The following TOP2B variants were observed in gnomAD, a reference collection of about 807,000 sequenced individuals.
TOP2B encodes DNA topoisomerase 2-beta.
A neutral mutation model predicts 193.5 loss-of-function variants in TOP2B; 51 were observed. The observed-to-expected ratio is 0.26, with a 90% CI of 0.21 to 0.33. The LOEUF (loss-of-function observed/expected upper bound fraction) is 0.33. TOP2B is among the 10% of genes least tolerant of loss of function. The pLI, the probability that TOP2B is intolerant of heterozygous loss-of-function variation, is 1.00. For missense variants in TOP2B, 1,378 were observed against 1,909.3 expected, an observed-to-expected ratio of 0.72 and a Z score of 5.19; for synonymous variants, 634 against 635.7, an observed-to-expected ratio of 1.00 and a Z score of 0.04.
chr3:25,614,903 C>A (rs1702465038), intron 27 of TOP2B, among the ~76,000 whole-genome samples: 1 of 151,910 alleles, frequency 6.6e-6, no homozygotes, highest in Non-Finnish European at 1.5e-5. Context: ...CACATATTAG[C>A]CTTACCTCTT....
chr3:25,598,241 T>TGAGA lies in TOP2B; in HGVS notation c.*62_*65dup. 1 of 1,492,834 alleles carries TGAGA rather than the reference T, an allele frequency of 6.7e-7. No homozygotes were observed. Among genetic ancestry groups the TGAGA allele is most frequent in the Non-Finnish European group, 9.0e-7 (1 of 1,105,448 alleles). 92.5% of individuals were successfully genotyped at this position (1,492,834 alleles called of 1,614,324 possible). ...AAAATAAGCCAGATGTACAAAAGTC[T>TGAGA]GAGACAGAGAAGACAAAAGGACAAC... On this transcript the variant is annotated 3_prime_UTR_variant, in exon 36 of 36. Coordinates refer to ENST00000264331, the MANE Select transcript of TOP2B (RefSeq NM_001330700.2).
intron 21 of TOP2B, among the ~76,000 whole-genome samples, chr3:25,621,896 G>C (rs1427144988): frequency 6.6e-6 from 1 of 151,774 alleles, no homozygotes; most frequent in African/African-American, 2.4e-5. Flanking sequence ...GGCTGAGACA[G>C]CAGAATCACT....
intron 25 of TOP2B, among the ~76,000 whole-genome samples, chr3:25,616,485 G>C (rs941227978): frequency 6.7e-6 from 1 of 150,126 alleles, no homozygotes; most frequent in Non-Finnish European, 1.5e-5. Flanking sequence ...TACAGTTTAC[G>C]TGTACTTCAG....
At chr3:25,635,749 A>C (rs1191202977) in intron 7 of TOP2B, among the ~76,000 whole-genome samples, 187 bp downstream of exon 7, 1 of 152,146 alleles carries the variant, frequency 6.6e-6, no homozygotes, top group African/African-American at 2.4e-5. Context: ...CAAGAAGGAA[A>C]GGAAAGAACA....
chr3:25,636,005 A>G lies in TOP2B; in HGVS notation c.783T>C (p.Thr261=), dbSNP rs1166544364. The G allele has an allele frequency of 3.1e-6, 5 of 1,613,462 alleles. No individual in the cohort carries two copies. In the South Asian group the frequency reaches 4.4e-5, roughly 14 times the overall value. Residue 261 remains threonine, a synonymous_variant, in exon 7 of 36, where the codon ACT becomes ACC. Transcript: ENST00000264331. Reference sequence around the variant, plus strand: ...AACCAGCCAAATCATATGCCCTTCTAGTCATGAGGGCCACAATATCCTTGT... The same window carrying G: ...AACCAGCCAAATCATATGCCCTTCTGGTCATGAGGGCCACAATATCCTTGT... ...KLDKDIVALM[T]RRAYDLAGSC...
At chr3:25,604,678 A>C in intron 33 of TOP2B, 82 bp downstream of exon 33, 1 of 1,174,974 alleles carries the variant, frequency 8.5e-7, no homozygotes, top group East Asian at 2.4e-5. Flanking sequence ...AAAAAATGCA[A>C]ATAGTTTCAA....
chr3:25,645,667 C>G (rs1703394853), intron 1 of TOP2B, among the ~76,000 whole-genome samples, 197 bp from the exon 2 acceptor site: 1 of 152,058 alleles, frequency 6.6e-6, no homozygotes, highest in Non-Finnish European at 1.5e-5. Flanking sequence ...TTGACTGAGC[C>G]CAAAACGTGG....
At chr3:25,633,221 C>A (rs1490362567) in intron 8 of TOP2B, among the ~76,000 whole-genome samples, 3 of 152,122 alleles carry the variant, frequency 2.0e-5, no homozygotes, top group Non-Finnish European at 4.4e-5. Flanking sequence ...TTCTAACGAA[C>A]CTATGACCCA....
chr3:25,650,714 T>C (rs1160168123), intron 1 of TOP2B, among the ~76,000 whole-genome samples: 1 of 152,238 alleles, frequency 6.6e-6, no homozygotes, highest in Non-Finnish European at 1.5e-5. Flanking sequence ...ATGAACATGA[T>C]TAATCTTTTC....
chr3:25,635,917 T>C lies in TOP2B; in HGVS notation c.852+19A>G, dbSNP rs746450380. Reference sequence around the variant, plus strand: ...CTATAAAATAACATAGTATTAAAACTATTTTACAGGACACTTACAGGCAAT... The same window carrying C: ...CTATAAAATAACATAGTATTAAAACCATTTTACAGGACACTTACAGGCAAT... On this transcript the variant is annotated intron_variant, in intron 7 of 35. Transcript: ENST00000264331. 1.3e-5 allele frequency: 21 copies of C among 1,603,596 alleles called. No individual in the cohort carries two copies. Among genetic ancestry groups the C allele is most frequent in the Non-Finnish European group, 1.7e-5 (20 of 1,172,564 alleles).
chr3:25,618,597 A>G, intron 24 of TOP2B, 57 bp downstream of exon 24: 1 of 1,519,742 alleles, frequency 6.6e-7, no homozygotes, highest in Non-Finnish European at 8.8e-7. Context: ...GTCTTCTATT[A>G]ATAAAGTTTT....
intron 1 of TOP2B, among the ~76,000 whole-genome samples, chr3:25,660,492 T>C (rs1185304543): frequency 4.6e-5 from 7 of 152,230 alleles, no homozygotes; most frequent in African/African-American, 1.7e-4. Context: ...GACAAGGCTC[T>C]GAGCTAGCCC....
intron 2 of TOP2B, among the ~76,000 whole-genome samples, 181 bp downstream of exon 2, chr3:25,645,119 G>A (rs1034144477): frequency 1.3e-5 from 2 of 151,828 alleles, no homozygotes; most frequent in Admixed American, 6.6e-5. Context: ...CTCTTCTGAC[G>A]GTTTTTAATC....
chr3:25,609,518 T>C (rs752618527), intron 29 of TOP2B, 50 bp downstream of exon 29: 3 of 1,571,820 alleles, frequency 1.9e-6, no homozygotes, highest in Admixed American at 1.9e-5. Context: ...TAATACTCTA[T>C]ACAAATATTT....
intron 7 of TOP2B, 131 bp downstream of exon 7, chr3:25,635,805 A>G (rs1366201837): frequency 1.5e-6 from 1 of 671,108 alleles, no homozygotes; most frequent in Non-Finnish European, 2.4e-6. Context: ...TGTATCAATA[A>G]TCACTTTAAA....
intron 21 of TOP2B, 79 bp from the exon 22 acceptor site, chr3:25,620,895 T>C: frequency 1.4e-6 from 2 of 1,435,988 alleles, no homozygotes; most frequent in Non-Finnish European, 1.9e-6. Flanking sequence ...CATTGACAGA[T>C]TAACACAACT....
In TOP2B at chr3:25,642,488, G is replaced by A. The variant is rs562159551; in HGVS notation, c.332-103C>T. On this transcript the variant is annotated intron_variant, in intron 3 of 35. Coordinates refer to ENST00000264331, the MANE Select transcript of TOP2B (RefSeq NM_001330700.2). ...CTGCTTAATATAAACATCTACATAT[G>A]GTAATAGTTAATGAAAATAATTACT... 18 of 541,196 alleles carry A rather than the reference G, an allele frequency of 3.3e-5. No individual in the cohort carries two copies. In the South Asian group the frequency reaches 6.9e-4, roughly 21 times the overall value. The allele number at this position is 541,196 out of a possible 1,614,324, so 33.5% of individuals were successfully genotyped here.
intron 27 of TOP2B, among the ~76,000 whole-genome samples, chr3:25,614,404 A>T (rs1213799786): frequency 6.6e-6 from 1 of 152,146 alleles, no homozygotes; most frequent in Non-Finnish European, 1.5e-5. Flanking sequence ...TGTGCAAAAA[A>T]ACTAATTAAT....
At chr3:25,605,242 C>A (rs1702206355) in intron 32 of TOP2B, among the ~76,000 whole-genome samples, 1 of 152,074 alleles carries the variant, frequency 6.6e-6, no homozygotes, top group Non-Finnish European at 1.5e-5. Flanking sequence ...TTAACCATTT[C>A]AGGAATATCA....
Sources: gnomAD v4.1 joint callset for allele counts (sites outside exome capture counted in the v4.1 genomes callset) on GRCh38, gnomAD v4.1.1 for gene constraint, MANE v1.5 for transcripts, NCBI Gene and HGNC (gene_info 2026-07-23, HGNC 2026-07-21) for gene names.